C1orf159: variants seen among roughly 807,000 people sequenced by gnomAD.
The protein encoded by C1orf159 is uncharacterized protein C1orf159.
In C1orf159, 19 loss-of-function variants were observed where a neutral mutation model predicts 25.6. The observed-to-expected ratio is 0.74, with a 90% CI of 0.52 to 1.09. The LOEUF (loss-of-function observed/expected upper bound fraction) is 1.09. Ranked by LOEUF, C1orf159 falls within the 50% of genes least tolerant of loss-of-function variation. C1orf159 has a pLI of 0.00. For synonymous variants in C1orf159, 139 were observed against 124.7 expected (o/e 1.12, Z -0.77); for missense variants, 274 against 290.6 (o/e 0.94, Z 0.42).
intron 1 of C1orf159, among the ~76,000 whole-genome samples, chr1:1,113,985 C>G (rs945472426): frequency 6.7e-6 from 1 of 148,340 alleles, no homozygotes; most frequent in Non-Finnish European, 1.5e-5. Flanking sequence ...GGCGCAATCT[C>G]GGCTCACTGC....
rs1645893457 is a variant in C1orf159, at chr1:1,089,607, G to A, written c.148+746C>T. On this transcript the variant is annotated intron_variant, in intron 4 of 9. Coordinates refer to ENST00000421241, the MANE Select transcript of C1orf159 (RefSeq NM_017891.5). This position sits in a 1 kb window ranked among gnomAD's most constrained non-coding sequence, Gnocchi z 7.5. ...CGTCTTGACCACGCCCTCCTCACGA[G>A]GCCCCTGAGTCCCCAGGAGCAGCCC... is the stretch of plus-strand genomic sequence containing the variant. Among the ~76,000 whole-genome samples the A allele has an allele frequency of 6.6e-6, 1 of 152,050 alleles. No homozygotes were observed. The highest frequency in any genetic ancestry group is 2.1e-4 in the South Asian group (1 of 4,818).
chr1:1,090,332 G>A, intron 4 of C1orf159, 21 bp downstream of exon 4: 1 of 1,550,268 alleles, frequency 6.5e-7, no homozygotes, highest in Non-Finnish European at 8.7e-7. Flanking sequence ...TCTGGAATCT[G>A]CTTGGGACAA....
In C1orf159 at chr1:1,091,462, G is replaced by A. The variant is rs925032565; in HGVS notation, c.72+10C>T. On this transcript the variant is annotated intron_variant, in intron 3 of 9. Transcript: ENST00000421241. Reference sequence around the variant, plus strand: ...CTTAGGCCGCGTGGACACGTGAGGGGGGCACCTACCGTGTTCTCCATGGAC... The same window carrying A: ...CTTAGGCCGCGTGGACACGTGAGGGAGGCACCTACCGTGTTCTCCATGGAC... 20 of 1,549,994 alleles carry A rather than the reference G, an allele frequency of 1.3e-5. No homozygotes were observed. In the Admixed American group the frequency reaches 3.7e-4, roughly 29 times the overall value.
chr1:1,100,050 G>A (rs1423684909), intron 1 of C1orf159, among the ~76,000 whole-genome samples: 1 of 152,164 alleles, frequency 6.6e-6, no homozygotes, highest in East Asian at 1.9e-4. Context: ...CCAGGAGTTT[G>A]AGCAGTACTA....
At chr1:1,103,908 C>G (rs1646136550) in intron 1 of C1orf159, among the ~76,000 whole-genome samples, 1 of 152,098 alleles carries the variant, frequency 6.6e-6, no homozygotes, top group African/African-American at 2.4e-5. Context: ...TCTCAAATGC[C>G]TGGCCTCAAG....
intron 1 of C1orf159, among the ~76,000 whole-genome samples, chr1:1,099,921 C>T (rs767819614): frequency 1.1e-5 from 1 of 93,038 alleles, no homozygotes; most frequent in Non-Finnish European, 2.0e-5. Flanking sequence ...ATGGTTTTTG[C>T]AGTCACTTTC....
intron 6 of C1orf159, among the ~76,000 whole-genome samples, 194 bp downstream of exon 6, chr1:1,086,945 C>A (rs1177617339): frequency 1.3e-5 from 2 of 152,112 alleles, no homozygotes; most frequent in African/African-American, 4.8e-5. Flanking sequence ...TGTGGCAGAG[C>A]CCCCCATGAC....
At position 1,082,931 on chromosome 1, in the gene C1orf159, C is replaced by T. The variant is rs748740168; in HGVS notation, c.559G>A (p.Ala187Thr). 243 of 1,603,112 alleles carry T rather than the reference C, an allele frequency of 1.5e-4. No homozygotes were observed. The highest frequency in any genetic ancestry group is 1.9e-4 in the Non-Finnish European group (221 of 1,175,782). ...ATACGGGCCTCCCCCGGGAAGGCAG[C>T]GGGATCCGTGGCCCTGTCCAGGGGC... ...ERPLDRATDP[A>T]AFPGEARISN... Residue 187 changes from alanine to threonine, a missense_variant, in exon 10 of 10, where the codon GCT becomes ACT. Ala to Thr is a moderately conservative substitution (Grantham distance 58, BLOSUM62 0). Coordinates refer to ENST00000421241, the MANE Select transcript of C1orf159 (RefSeq NM_017891.5).
chr1:1,101,902 T>TAAA (rs1646105227), intron 1 of C1orf159, among the ~76,000 whole-genome samples: 1 of 151,792 alleles, frequency 6.6e-6, no homozygotes, highest in South Asian at 2.1e-4. Flanking sequence ...AGAAACCCCG[T>TAAA]ATCTACTAAA....
chr1:1,095,186 T>G (rs1276543103), intron 1 of C1orf159, among the ~76,000 whole-genome samples: 1 of 152,226 alleles, frequency 6.6e-6, no homozygotes, highest in African/African-American at 2.4e-5. Context: ...GATTAATTGC[T>G]TTGGCAATTC....
intron 7 of C1orf159, chr1:1,085,119 T>C (rs1470134204): frequency 1.8e-5 from 5 of 272,770 alleles, no homozygotes; most frequent in African/African-American, 1.1e-4. Flanking sequence ...GGCTCCCGAC[T>C]GGAGGCTGGG....
chr1:1,087,350 G>T lies in C1orf159; in HGVS notation c.245-146C>A. On this transcript the variant is annotated intron_variant, in intron 5 of 9. Coordinates refer to ENST00000421241, the MANE Select transcript of C1orf159 (RefSeq NM_017891.5). This position sits in a 1 kb window ranked among gnomAD's most constrained non-coding sequence, Gnocchi z 8.3. ...CCCTCACCACAGAGCTGTCCCGAAT[G>T]GCCCAGCAGACTCGGGAAGAGGGGG... 8.7e-7 allele frequency: 1 copy of T among 1,156,010 alleles called. No homozygotes were observed. The allele number at this position is 1,156,010 out of a possible 1,614,324, so 71.6% of individuals were successfully genotyped here.
At chr1:1,111,483 C>T (rs937941647) in intron 1 of C1orf159, among the ~76,000 whole-genome samples, 1 of 152,208 alleles carries the variant, frequency 6.6e-6, no homozygotes, top group Admixed American at 6.5e-5. Flanking sequence ...TACAGTGAGC[C>T]ATGATCGCAC....
intron 3 of C1orf159, chr1:1,090,804 T>C: frequency 7.7e-7 from 1 of 1,291,998 alleles, no homozygotes; most frequent in Admixed American, 2.0e-5. Flanking sequence ...CGGGCCTGGC[T>C]GGCATTTCAG....
chr1:1,084,103 A>C, intron 9 of C1orf159: 1 of 1,590,134 alleles, frequency 6.3e-7, no homozygotes, highest in Non-Finnish European at 8.6e-7. Context: ...AACAGGAAAG[A>C]GCATGGAAGT....
intron 3 of C1orf159, chr1:1,091,238 G>A (rs1262301080): frequency 3.2e-6 from 2 of 632,846 alleles, no homozygotes; most frequent in Admixed American, 5.8e-5. Flanking sequence ...CTCACCGTGG[G>A]GGCCCCGCCT....
At chr1:1,108,149 G>A (rs911923697) in intron 1 of C1orf159, among the ~76,000 whole-genome samples, 33 of 138,428 alleles carry the variant, frequency 2.4e-4, no homozygotes, top group South Asian at 7.2e-4. Flanking sequence ...CAGCAGCACC[G>A]TCCACCACAG....
chr1:1,100,532 C>T (rs1049121009), intron 1 of C1orf159, among the ~76,000 whole-genome samples: 1 of 152,134 alleles, frequency 6.6e-6, no homozygotes, highest in African/African-American at 2.4e-5. Context: ...GACACGAGGG[C>T]GCACTCTTGG....
chr1:1,087,380 CG>C lies in C1orf159; in HGVS notation c.244+121del, dbSNP rs549584689. 6.7e-4 allele frequency: 792 copies of C among 1,189,602 alleles called. 2 individuals carry two copies. In the African/African-American group the frequency reaches 0.011, roughly 16 times the overall value. 73.7% of individuals were successfully genotyped at this position (1,189,602 alleles called of 1,614,324 possible). A position where few individuals can be genotyped will look rare whatever the true frequency, so the allele number is the denominator to read the frequency against. On this transcript the variant is annotated intron_variant, in intron 5 of 9. Transcript: ENST00000421241. This position sits in a 1 kb window ranked among gnomAD's most constrained non-coding sequence, Gnocchi z 8.3. ...AGCAGACTCGGGAAGAGGGGGCTCC[CG>C]GGGCTGTTCCCCAGTGGACAGTGGC...
Sources: allele counts gnomAD v4.1 joint callset (sites outside exome capture counted in the v4.1 genomes callset), GRCh38; gene constraint gnomAD v4.1.1; non-coding constraint Gnocchi (gnomAD v3.1); transcripts MANE v1.5; gene names NCBI Gene and HGNC (gene_info 2026-07-23, HGNC 2026-07-21).